Variants in STOX1 observed in about 807,000 individuals in gnomAD.
STOX1 encodes the protein storkhead box 1, also known as storkhead-box protein 1.
Under a neutral mutation model 74.8 loss-of-function variants are expected in STOX1, and 57 were observed. That is an observed-to-expected ratio of 0.76 (90% confidence interval 0.62 to 0.95). The LOEUF (loss-of-function observed/expected upper bound fraction) is 0.95, where lower values mean the gene tolerates loss of function less well. Among genes scored for constraint, STOX1 ranks in the 40% least tolerant of loss-of-function variants. The probability of loss-of-function intolerance (pLI) is 0.00; values close to 1 mark genes in which losing one functional copy is unlikely to be tolerated. For synonymous variants in STOX1, 375 were observed against 401.3 expected, an observed-to-expected ratio of 0.93 and a Z score of 0.78; for missense variants, 1,010 against 1,117.0, an observed-to-expected ratio of 0.90 and a Z score of 1.37.
At position 68,858,218 on chromosome 10, in the gene STOX1, G is replaced by A. The variant is rs368830167; in HGVS notation, c.311-23740G>A. On this transcript the variant is annotated intron_variant, in intron 1 of 3. Transcript: ENST00000298596. Reference sequence around the variant, plus strand: ...GGTACAGTAATGGATGGCTTAGTGTGAAGAAGGTGGCCAGCTCCTAGAAGC... The same window carrying A: ...GGTACAGTAATGGATGGCTTAGTGTAAAGAAGGTGGCCAGCTCCTAGAAGC... Among the ~76,000 whole-genome samples the A allele has an allele frequency of 1.0e-3, 154 of 152,212 alleles. 1 individual carries two copies. The highest frequency in any genetic ancestry group is 3.5e-3 in the African/African-American group (145 of 41,470).
chr10:68,880,164 C>CT (rs71028800), intron 1 of STOX1, among the ~76,000 whole-genome samples: 1,358 of 124,336 alleles, frequency 0.011, 8 homozygotes, highest in African/African-American at 0.025. Flanking sequence ...TCTTTCTTTC[C>CT]TTTTTTTTTT....
At chr10:68,840,953 T>G (rs1169237688) in intron 1 of STOX1, among the ~76,000 whole-genome samples, 2 of 147,382 alleles carry the variant, frequency 1.4e-5, no homozygotes, top group Non-Finnish European at 3.0e-5. Context: ...GCTTTTTGCT[T>G]TTTTTTTTTT....
chr10:68,843,065 G>A (rs1433900637), intron 1 of STOX1, among the ~76,000 whole-genome samples: 1 of 152,122 alleles, frequency 6.6e-6, no homozygotes, highest in Non-Finnish European at 1.5e-5. Context: ...TTGAAACAGA[G>A]TCTCACTCTG....
Position 68,880,409 on chromosome 10 carries a change from T to C in STOX1, c.311-1549T>C, listed in dbSNP as rs544191480. Among the ~76,000 whole-genome samples, 6 of 152,178 alleles carry C rather than the reference T, an allele frequency of 3.9e-5. No homozygotes were observed. The South Asian group carries it at 1.0e-3, about 26-fold the overall frequency. ...GTTGCTCAGGCTGATCTGGAATTCC[T>C]GGCCTCAAGTGATCTCCCTAAAGTG... On this transcript the variant is annotated intron_variant, in intron 1 of 3. Transcript: ENST00000298596.
chr10:68,860,477 G>A (rs998492499), intron 1 of STOX1, among the ~76,000 whole-genome samples: 1 of 148,990 alleles, frequency 6.7e-6, no homozygotes, highest in Non-Finnish European at 1.5e-5. Context: ...GGCTGAGGCA[G>A]GAGAATTGCT....
chr10:68,829,544 G>GAA (rs1279177594), intron 1 of STOX1, among the ~76,000 whole-genome samples: 3 of 151,884 alleles, frequency 2.0e-5, no homozygotes, highest in South Asian at 4.2e-4. Context: ...AGAAAGAAAA[G>GAA]AAAAAAAGCA....
chr10:68,859,344 A>C lies in STOX1; in HGVS notation c.311-22614A>C, dbSNP rs1043458213. Among the ~76,000 whole-genome samples the C allele has an allele frequency of 7.9e-5, 12 of 152,082 alleles. 1 individual carries two copies. The highest frequency in any genetic ancestry group is 2.9e-4 in the African/African-American group (12 of 41,332). On this transcript the variant is annotated intron_variant, in intron 1 of 3. Transcript: ENST00000298596. ...CCCTCTGTGATTTCTGCATGCTGTA[A>C]GGAAATACTTCCTCATCCAGGAAGA...
In STOX1 at chr10:68,884,559, G is replaced by A; in HGVS notation, c.763G>A (p.Val255Ile). ...QCFRDMHTQD[V>I]QEAPVAAEVT... is the part of the protein sequence containing the mutation. ...TTTCCGGGACATGCACACTCAGGAT[G>A]TTCAGGAAGCACCAGTTGCTGCAGA... The change falls in exon 3 of 4, where the codon GTT becomes ATT. Residue 255 changes from valine (V) to isoleucine (I), a missense_variant. By Grantham distance (29) the Val-to-Ile change is conservative. Transcript: ENST00000298596. 6.2e-7 allele frequency: 1 copy of A among 1,613,820 alleles called. No homozygotes were observed. Among genetic ancestry groups the A allele is most frequent in the Non-Finnish European group, 8.5e-7 (1 of 1,180,032 alleles).
In STOX1 at chr10:68,848,959, C is replaced by T. The variant is rs114065492; in HGVS notation, c.310+21026C>T. Among the ~76,000 whole-genome samples the T allele has an allele frequency of 3.4e-3, 510 of 152,224 alleles. 8 individuals are homozygous for T. Among genetic ancestry groups the T allele is most frequent in the African/African-American group, 0.011 (477 of 41,536 alleles). ...TGCTGGAATTACAGGCATGAGCCAC[C>T]GTGCCTGACAACGTTAGCAGTTAAT... On this transcript the variant is annotated intron_variant, in intron 1 of 3. Transcript: ENST00000298596.
At chr10:68,866,673 A>G (rs10998466) in intron 1 of STOX1, among the ~76,000 whole-genome samples, 6,647 of 152,192 alleles carry the variant, frequency 0.044, 334 homozygotes, top group African/African-American at 0.12. Context: ...AAGTAGTCCT[A>G]CCGTTCCTTC....
intron 2 of STOX1, among the ~76,000 whole-genome samples, chr10:68,883,190 A>C (rs902980916): frequency 1.3e-5 from 2 of 150,322 alleles, no homozygotes; most frequent in Non-Finnish European, 3.0e-5. Flanking sequence ...ATCCTGGCCA[A>C]TATGGTGAAA....
intron 1 of STOX1, among the ~76,000 whole-genome samples, chr10:68,853,080 G>A (rs576073799): frequency 1.8e-4 from 28 of 152,066 alleles, no homozygotes; most frequent in African/African-American, 6.8e-4. Context: ...GCGCCACCAT[G>A]CCCAGCTAAT....
In STOX1 at chr10:68,827,731, G is replaced by A. The variant is rs1000141741; in HGVS notation, c.108G>A (p.Val36=). 6.6e-5 allele frequency: 56 copies of A among 853,696 alleles called. No homozygotes were observed. The African/African-American group carries it at 8.0e-4, about 12-fold the overall frequency. The allele number at this position is 853,696 out of a possible 1,614,324, so 52.9% of individuals were successfully genotyped here. ...CGGAGGAGCCTGGTGGGCGCGCGGT[G>A]TTCCGCGCTTTCCGTCGCGCCAACG... is the stretch of plus-strand genomic sequence containing the variant. ...GAAEEPGGRA[V]FRAFRRANAR... is the part of the protein sequence containing the mutation. Residue 36 remains valine, a synonymous_variant, in exon 1 of 4, where the codon GTG becomes GTA. Transcript: ENST00000298596.
chr10:68,858,297 A>T (rs183739718), intron 1 of STOX1, among the ~76,000 whole-genome samples: 7 of 152,248 alleles, frequency 4.6e-5, no homozygotes, highest in Admixed American at 4.6e-4. Flanking sequence ...CTACAGCCTC[A>T]GTTGAGATTT....
At chr10:68,850,290 C>T (rs1839951642) in intron 1 of STOX1, among the ~76,000 whole-genome samples, 1 of 152,272 alleles carries the variant, frequency 6.6e-6, no homozygotes, top group South Asian at 2.1e-4. Context: ...TTACAGGCAT[C>T]AGCCACTGCA....
intron 1 of STOX1, among the ~76,000 whole-genome samples, chr10:68,866,581 T>C (rs1223722273): frequency 6.6e-6 from 1 of 152,208 alleles, no homozygotes; most frequent in African/African-American, 2.4e-5. Flanking sequence ...GATAAAATGA[T>C]TTGAATTTCC....
At chr10:68,889,326 A>G (rs1306218224) in intron 3 of STOX1, among the ~76,000 whole-genome samples, 4 of 152,188 alleles carry the variant, frequency 2.6e-5, no homozygotes, top group Non-Finnish European at 5.9e-5. Flanking sequence ...GCTAAGATCA[A>G]GTGTAAAACG....
At chr10:68,847,251 CAACTGAGGGGA>C (rs1839876270) in intron 1 of STOX1, among the ~76,000 whole-genome samples, 1 of 152,100 alleles carries the variant, frequency 6.6e-6, no homozygotes, top group East Asian at 1.9e-4. Flanking sequence ...ACATCTGTAT[CAACTGAGGGGA>C]AAAAATATTT....
chr10:68,844,639 A>G (rs1041213946), intron 1 of STOX1, among the ~76,000 whole-genome samples: 2 of 152,154 alleles, frequency 1.3e-5, no homozygotes, highest in Admixed American at 6.5e-5. Context: ...TGTTTTGCCC[A>G]TGAAAAAAGT....
Sources: gnomAD v4.1 joint callset for allele counts (sites outside exome capture counted in the v4.1 genomes callset) on GRCh38, gnomAD v4.1.1 for gene constraint, MANE v1.5 for transcripts, NCBI Gene and HGNC (gene_info 2026-07-23, HGNC 2026-07-21) for gene names.